Variants in SMOC1 observed in about 807,000 individuals in gnomAD.
SMOC1 encodes SPARC-related modular calcium-binding protein 1.
Under a neutral mutation model 56.3 loss-of-function variants are expected in SMOC1, and 22 were observed. The observed-to-expected ratio is 0.39, with a 90% CI of 0.28 to 0.56. The LOEUF (loss-of-function observed/expected upper bound fraction) is 0.56, where lower values mean the gene tolerates loss of function less well. Ranked by LOEUF, SMOC1 falls within the 20% of genes least tolerant of loss-of-function variation. The pLI, the probability that SMOC1 is intolerant of heterozygous loss-of-function variation, is 0.61. For missense variants in SMOC1, 509 were observed against 565.4 expected, an observed-to-expected ratio of 0.90 and a Z score of 1.01; for synonymous variants, 193 against 215.0, an observed-to-expected ratio of 0.90 and a Z score of 0.89.
intron 3 of SMOC1, among the ~76,000 whole-genome samples, chr14:69,967,020 A>G (rs1456236674): frequency 6.6e-6 from 1 of 152,110 alleles, no homozygotes; most frequent in African/African-American, 2.4e-5. Context: ...CCTTCCTCAC[A>G]TTGGACACAA....
At chr14:70,002,255 T>G (rs1340645727) in intron 7 of SMOC1, among the ~76,000 whole-genome samples, 1 of 152,228 alleles carries the variant, frequency 6.6e-6, no homozygotes, top group Non-Finnish European at 1.5e-5. Context: ...TTTCTTTTGC[T>G]GCCTATTCTG....
At chr14:70,024,966 G>A (rs1885868944) in intron 11 of SMOC1, among the ~76,000 whole-genome samples, 2 of 152,188 alleles carry the variant, frequency 1.3e-5, no homozygotes, top group South Asian at 4.1e-4. Flanking sequence ...TGAAAACACA[G>A]CAGGGTAAGG....
At chr14:69,938,747 A>C (rs1286665734) in intron 1 of SMOC1, among the ~76,000 whole-genome samples, 2 of 152,232 alleles carry the variant, frequency 1.3e-5, no homozygotes, top group Non-Finnish European at 2.9e-5. Context: ...CCTTTGGGGA[A>C]CATACTGTGA....
chr14:70,019,266 G>A (rs558466345), intron 10 of SMOC1, among the ~76,000 whole-genome samples: 1 of 152,222 alleles, frequency 6.6e-6, no homozygotes, highest in Non-Finnish European at 1.5e-5. Flanking sequence ...CCCAGAGGTA[G>A]GGCAGACACC....
intron 1 of SMOC1, among the ~76,000 whole-genome samples, chr14:69,916,643 C>G (rs1291443318): frequency 6.6e-6 from 1 of 152,230 alleles, no homozygotes; most frequent in Non-Finnish European, 1.5e-5. Context: ...GCTGTTCCCT[C>G]TGTGTGGAAT....
Position 69,994,380 on chromosome 14 carries a change from C to T in SMOC1, c.584-20C>T. On this transcript the variant is annotated intron_variant, in intron 6 of 11. Transcript: ENST00000361956. ...GTCTCTTTGCCCAGACTTTTTCTCT[C>T]TCCTTTTCCTCACCCCTAGAAATCA... 1.2e-6 allele frequency: 2 copies of T among 1,601,400 alleles called. No homozygotes were observed. Among genetic ancestry groups the T allele is most frequent in the African/African-American group, 1.3e-5 (1 of 74,732 alleles).
intron 1 of SMOC1, 61 bp downstream of exon 1, chr14:69,879,838 ATCCCT>A: frequency 2.9e-6 from 4 of 1,391,204 alleles, no homozygotes; most frequent in Non-Finnish European, 3.9e-6. Context: ...TTCCCCCCTC[ATCCCT>A]GAGGGAAGGA....
rs759730772 is a variant in SMOC1, at chr14:70,010,766, C to T, written c.677C>T (p.Ser226Leu). The T allele has an allele frequency of 3.2e-5, 51 of 1,614,032 alleles. No individual in the cohort carries two copies. Among genetic ancestry groups the T allele is most frequent in the Non-Finnish European group, 4.2e-5 (50 of 1,180,012 alleles). The change falls in exon 8 of 12, where the codon TCG becomes TTG. Residue 226 changes from serine (S) to leucine (L), a missense_variant. By Grantham distance (145) the Ser-to-Leu change is moderately radical (BLOSUM62 -2). Around this residue, in one of 3 missense-constraint regions of SMOC1, gnomAD observed 315 missense variants for 333.1 expected, o/e 0.95. Coordinates refer to ENST00000361956, the MANE Select transcript of SMOC1 (RefSeq NM_001034852.3). Reference sequence around the variant, plus strand: ...TCTTCTCTTGCAGAGAAAGTCTATTCGTGTGACCAGGAGAGGCAGAGTGCC... The same window carrying T: ...TCTTCTCTTGCAGAGAAAGTCTATTTGTGTGACCAGGAGAGGCAGAGTGCC... ...TNIRNSEKVY[S>L]CDQERQSALE...
At chr14:69,894,884 A>T (rs531543644) in intron 1 of SMOC1, among the ~76,000 whole-genome samples, 2 of 152,252 alleles carry the variant, frequency 1.3e-5, no homozygotes, top group Non-Finnish European at 2.9e-5. Context: ...AGAAAGCCCA[A>T]AATAAGGATA....
chr14:69,908,316 T>C (rs1884465752), intron 1 of SMOC1, among the ~76,000 whole-genome samples: 1 of 152,232 alleles, frequency 6.6e-6, no homozygotes, highest in Non-Finnish European at 1.5e-5. Flanking sequence ...CTTGTGTGTA[T>C]AAATAGAATT....
intron 3 of SMOC1, among the ~76,000 whole-genome samples, chr14:69,970,883 A>G (rs12184944): frequency 1.3e-5 from 2 of 152,146 alleles, no homozygotes; most frequent in Non-Finnish European, 2.9e-5. Flanking sequence ...CTTTATCTGG[A>G]TGGGGGTTGG....
intron 3 of SMOC1, among the ~76,000 whole-genome samples, chr14:69,963,403 T>C (rs781002988): frequency 9.2e-5 from 14 of 152,180 alleles, no homozygotes; most frequent in Non-Finnish European, 1.9e-4. Context: ...TGTATATCTC[T>C]AAGAGCTTTC....
In SMOC1 at chr14:70,023,316, T is replaced by C; in HGVS notation, c.1160T>C (p.Phe387Ser). 2 of 1,614,108 alleles carry C rather than the reference T, an allele frequency of 1.2e-6. No homozygotes were observed. The highest frequency in any genetic ancestry group is 1.7e-6 in the Non-Finnish European group (2 of 1,180,008). ...ATTAACAAGCGGGAGATGAAGCCCT[T>C]CAAGCGCTACGTGAAGAAGAAAGCC... ...NDINKREMKP[F>S]KRYVKKKAKP... The change falls in exon 11 of 12, where the codon TTC becomes TCC. Residue 387 changes from phenylalanine (F) to serine (S), a missense_variant. By Grantham distance (155) the Phe-to-Ser change is radical. This residue lies in a region of SMOC1 where 176 missense variants were observed against 188.1 expected (regional missense o/e 0.94). Transcript: ENST00000361956.
intron 11 of SMOC1, among the ~76,000 whole-genome samples, chr14:70,027,064 G>C (rs965403962): frequency 1.3e-5 from 2 of 152,142 alleles, no homozygotes; most frequent in Non-Finnish European, 2.9e-5. Context: ...AGGCAGAAAG[G>C]ATTCCTGTGT....
chr14:69,992,355 G>A, intron 5 of SMOC1, 62 bp from the exon 6 acceptor site: 3 of 1,525,880 alleles, frequency 2.0e-6, no homozygotes, highest in Non-Finnish European at 2.7e-6. Flanking sequence ...GTGCTGGAGA[G>A]TAGATAGTAT....
intron 7 of SMOC1, among the ~76,000 whole-genome samples, chr14:69,996,882 C>T (rs773946105): frequency 6.6e-6 from 1 of 152,198 alleles, no homozygotes; most frequent in Non-Finnish European, 1.5e-5. Context: ...TATGGTGCCA[C>T]AAAGGCCTGT....
chr14:69,986,011 T>G (rs964383348), intron 5 of SMOC1, among the ~76,000 whole-genome samples: 1 of 152,162 alleles, frequency 6.6e-6, no homozygotes, highest in East Asian at 1.9e-4. Flanking sequence ...TTGGAAGGTA[T>G]CTGCTGTGAG....
chr14:70,028,748 G>A lies in SMOC1; in HGVS notation c.1292-1494G>A, dbSNP rs115176769. Among the ~76,000 whole-genome samples the A allele has an allele frequency of 5.3e-5, 8 of 152,256 alleles. No individual in the cohort carries two copies. In the East Asian group the frequency reaches 9.6e-4, roughly 18 times the overall value. On this transcript the variant is annotated intron_variant, in intron 11 of 11. Coordinates refer to ENST00000361956, the MANE Select transcript of SMOC1 (RefSeq NM_001034852.3). ...TTGAAGTCAGCAGCCTGACTCTGCC[G>A]CTTCCCACCTGCCTGCCTTGGGGCT...
intron 3 of SMOC1, among the ~76,000 whole-genome samples, chr14:69,967,726 A>C (rs1404537079): frequency 6.6e-6 from 1 of 152,214 alleles, no homozygotes; most frequent in East Asian, 1.9e-4. Flanking sequence ...ATCCTGTTTC[A>C]TAGATAGGCT....
Sources: gnomAD v4.1 joint callset for allele counts (sites outside exome capture counted in the v4.1 genomes callset) on GRCh38, gnomAD v4.1.1 for gene constraint, gnomAD v4.1.1 regional missense constraint, MANE v1.5 for transcripts, NCBI Gene and HGNC (gene_info 2026-07-23, HGNC 2026-07-21) for gene names.